The following RABGAP1L variants were observed in gnomAD, a reference collection of about 807,000 sequenced individuals.
RABGAP1L encodes the protein RAB GTPase activating protein 1 like.
In RABGAP1L, 63 loss-of-function variants were observed where a neutral mutation model predicts 137.7. That is an observed-to-expected ratio of 0.46 (90% CI 0.37 to 0.56). RABGAP1L has a LOEUF of 0.56. Among genes scored for constraint, RABGAP1L ranks in the 20% least tolerant of loss-of-function variants. The pLI is 0.00. For missense variants in RABGAP1L, 1,095 were observed against 1,244.0 expected, an observed-to-expected ratio of 0.88 and a Z score of 1.80; for synonymous variants, 431 against 433.7, an observed-to-expected ratio of 0.99 and a Z score of 0.08.
chr1:174,710,961 C>T (rs1297347637), intron 17 of RABGAP1L, among the ~76,000 whole-genome samples: 3 of 152,064 alleles, frequency 2.0e-5, no homozygotes, highest in Non-Finnish European at 4.4e-5. Flanking sequence ...CAGGAGCCCA[C>T]GGTGGCGGGG....
intron 20 of RABGAP1L, among the ~76,000 whole-genome samples, chr1:174,963,519 A>G (rs1229220479): frequency 6.6e-6 from 1 of 152,102 alleles, no homozygotes; most frequent in Admixed American, 6.6e-5. Context: ...AGTTTTCAAG[A>G]AACTTTCATT....
intron 14 of RABGAP1L, among the ~76,000 whole-genome samples, chr1:174,652,754 C>G (rs1214360587): frequency 6.6e-6 from 1 of 152,160 alleles, no homozygotes; most frequent in Admixed American, 6.5e-5. Context: ...GGAGGTGTCC[C>G]CAGTCAGGAG....
intron 13 of RABGAP1L, among the ~76,000 whole-genome samples, chr1:174,479,334 C>T (rs1658834734): frequency 6.6e-6 from 1 of 152,198 alleles, no homozygotes; most frequent in African/African-American, 2.4e-5. Flanking sequence ...GGTTCTCAAA[C>T]TTTAGCATGC....
intron 13 of RABGAP1L, among the ~76,000 whole-genome samples, chr1:174,588,318 C>G (rs1669282276): frequency 6.6e-6 from 1 of 152,042 alleles, no homozygotes; most frequent in Non-Finnish European, 1.5e-5. Context: ...CATGCACCAC[C>G]ATGCCTGGCT....
chr1:174,230,870 C>T (rs975270292), intron 3 of RABGAP1L, among the ~76,000 whole-genome samples: 1 of 151,942 alleles, frequency 6.6e-6, no homozygotes, highest in South Asian at 2.1e-4. Flanking sequence ...AATTTTTTCT[C>T]TCATCTGAAG....
At chr1:174,524,953 A>G (rs913132405) in intron 13 of RABGAP1L, among the ~76,000 whole-genome samples, 4 of 152,048 alleles carry the variant, frequency 2.6e-5, no homozygotes, top group African/African-American at 9.7e-5. Flanking sequence ...AGTTAGTTGT[A>G]AATAGGTGGA....
At position 174,272,411 on chromosome 1, in the gene RABGAP1L, C is replaced by T. The variant is rs1016691520; in HGVS notation, c.987-3C>T. On this transcript the variant is annotated splice_region_variant and splice_polypyrimidine_tract_variant and intron_variant, in intron 7 of 25. Coordinates refer to ENST00000681986, the MANE Select transcript of RABGAP1L (RefSeq NM_001366446.1). ...TCTCCTTTTTTTCCCCCAATATTTT[C>T]AGATGTTTTGGAATGTTATTAAGCC... 8.7e-6 allele frequency: 14 copies of T among 1,600,036 alleles called. No homozygotes were observed. Among genetic ancestry groups the T allele is most frequent in the Non-Finnish European group, 1.2e-5 (14 of 1,174,934 alleles).
At chr1:174,507,226 A>G (rs1442614424) in intron 13 of RABGAP1L, among the ~76,000 whole-genome samples, 1 of 152,210 alleles carries the variant, frequency 6.6e-6, no homozygotes, top group African/African-American at 2.4e-5. Flanking sequence ...TTTAAGCCTA[A>G]TAGTATAGTA....
At chr1:174,663,855 A>G (rs1000805543) in intron 14 of RABGAP1L, among the ~76,000 whole-genome samples, 2 of 152,008 alleles carry the variant, frequency 1.3e-5, no homozygotes, top group African/African-American at 4.8e-5. Context: ...CCTGCTATAT[A>G]CTTATTGTCA....
At chr1:174,724,431 A>T (rs921588991) in intron 17 of RABGAP1L, among the ~76,000 whole-genome samples, 2 of 152,220 alleles carry the variant, frequency 1.3e-5, no homozygotes, top group African/African-American at 4.8e-5. Flanking sequence ...ACTAGTACTT[A>T]TAGCAGTTTG....
At chr1:174,482,898 G>A (rs1659258073) in intron 13 of RABGAP1L, among the ~76,000 whole-genome samples, 2 of 152,142 alleles carry the variant, frequency 1.3e-5, no homozygotes, top group Admixed American at 6.6e-5. Flanking sequence ...AGCTCAATAA[G>A]TATTGAATGA....
intron 13 of RABGAP1L, among the ~76,000 whole-genome samples, chr1:174,599,912 C>G (rs373400479): frequency 9.3e-4 from 141 of 152,242 alleles, no homozygotes; most frequent in African/African-American, 3.1e-3. Context: ...TTGAATAATG[C>G]TGTCTACCCT....
intron 21 of RABGAP1L, among the ~76,000 whole-genome samples, chr1:174,974,075 G>C (rs768502442): frequency 7.4e-6 from 1 of 135,812 alleles, no homozygotes; most frequent in Non-Finnish European, 1.5e-5. Context: ...TGCAAGCTCC[G>C]CCTCCTGGTT....
chr1:174,496,180 A>G (rs1027878694), intron 13 of RABGAP1L, among the ~76,000 whole-genome samples: 2 of 152,206 alleles, frequency 1.3e-5, no homozygotes, highest in Non-Finnish European at 2.9e-5. Flanking sequence ...TAATTCCACT[A>G]TACTCTATGG....
At chr1:174,385,972 G>A (rs1686731799) in intron 12 of RABGAP1L, among the ~76,000 whole-genome samples, 1 of 152,136 alleles carries the variant, frequency 6.6e-6, no homozygotes, top group African/African-American at 2.4e-5. Flanking sequence ...TATTAAAATG[G>A]GCAATATAGC....
chr1:174,500,994 A>G lies in RABGAP1L; in HGVS notation c.1710+106849A>G, dbSNP rs75614353. On this transcript the variant is annotated intron_variant, in intron 13 of 25. Coordinates refer to ENST00000681986, the MANE Select transcript of RABGAP1L (RefSeq NM_001366446.1). The stretch of plus-strand genomic sequence containing the variant: ...CAAATTCATTGCCTTAATTGAGTAG[A>G]AGAAACTAAACATTTTCTAATTTCT... Among the ~76,000 whole-genome samples, 886 of 152,244 alleles carry G rather than the reference A, an allele frequency of 5.8e-3. 2 individuals are homozygous for G. Among genetic ancestry groups the G allele is most frequent in the Non-Finnish European group, 8.6e-3 (588 of 68,012 alleles).
At chr1:174,429,159 A>G (rs976924026) in intron 13 of RABGAP1L, among the ~76,000 whole-genome samples, 2 of 152,236 alleles carry the variant, frequency 1.3e-5, no homozygotes, top group African/African-American at 4.8e-5. Flanking sequence ...TAAATCATTA[A>G]TCTAAAGGAT....
rs559804392 is a variant in RABGAP1L, at chr1:174,638,002, C to T, written c.1824+514C>T. ...TCATTATAAGTAGGCCTGGAAAAAA[C>T]CTGTTTCCTGATTTTCAGTAAATGT... On this transcript the variant is annotated intron_variant, in intron 14 of 25. Coordinates refer to ENST00000681986, the MANE Select transcript of RABGAP1L (RefSeq NM_001366446.1). 9.2e-5 allele frequency among the ~76,000 whole-genome samples: 14 copies of T among 152,196 alleles called. No individual in the cohort carries two copies. In the South Asian group the frequency reaches 2.5e-3, roughly 27 times the overall value.
At chr1:174,283,332 G>A (rs1192345173) in intron 10 of RABGAP1L, among the ~76,000 whole-genome samples, 1 of 151,978 alleles carries the variant, frequency 6.6e-6, no homozygotes, top group African/African-American at 2.4e-5. Flanking sequence ...CTTGAGCCCA[G>A]GAGGTTGAGG....
Sources: gnomAD v4.1 joint callset for allele counts (sites outside exome capture counted in the v4.1 genomes callset) on GRCh38, gnomAD v4.1.1 for gene constraint, MANE v1.5 for transcripts, NCBI Gene and HGNC (gene_info 2026-07-23, HGNC 2026-07-21) for gene names.